Variants in PDE11A observed in about 807,000 individuals in gnomAD.
The protein encoded by PDE11A is dual 3',5'-cyclic-AMP and -GMP phosphodiesterase 11A.
In PDE11A, 100 loss-of-function variants were observed where a neutral mutation model predicts 100.5. That is an observed-to-expected ratio of 1.00 (90% CI 0.85 to 1.18). The LOEUF (loss-of-function observed/expected upper bound fraction) is 1.18, where lower values mean the gene tolerates loss of function less well. PDE11A is among the 50% of genes most tolerant of loss of function. The probability of loss-of-function intolerance (pLI) is 0.00; values close to 1 mark genes in which losing one functional copy is unlikely to be tolerated. For synonymous variants in PDE11A, 381 were observed against 420.8 expected (o/e 0.91, Z 1.16); for missense variants, 1,141 against 1,152.6 (o/e 0.99, Z 0.15).
chr2:177,940,893 G>C (rs2085338862), intron 2 of PDE11A, among the ~76,000 whole-genome samples: 1 of 152,132 alleles, frequency 6.6e-6, no homozygotes, highest in African/African-American at 2.4e-5. Context: ...TTGTTTTCAA[G>C]TTTACATATT....
chr2:177,693,227 C>G (rs905245555), intron 15 of PDE11A, among the ~76,000 whole-genome samples: 11 of 152,214 alleles, frequency 7.2e-5, no homozygotes, highest in African/African-American at 2.7e-4. Context: ...TGCCCTGGCA[C>G]TTCACACATG....
intron 5 of PDE11A, among the ~76,000 whole-genome samples, chr2:177,858,934 A>G (rs1425666373): frequency 6.6e-6 from 1 of 152,150 alleles, no homozygotes; most frequent in Admixed American, 6.5e-5. Context: ...GGATGAGTTC[A>G]TGTCCTTTGT....
At chr2:177,818,646 C>T (rs1272811647) in intron 7 of PDE11A, among the ~76,000 whole-genome samples, 1 of 152,096 alleles carries the variant, frequency 6.6e-6, no homozygotes, top group African/African-American at 2.4e-5. Flanking sequence ...TGATATAATA[C>T]AGTTAACCTT....
intron 12 of PDE11A, among the ~76,000 whole-genome samples, chr2:177,713,983 T>TTTTC: frequency 9.4e-6 from 1 of 106,154 alleles, no homozygotes; most frequent in East Asian, 2.8e-4. Flanking sequence ...TTCTTTTCTT[T>TTTTC]TTTCTTTTTT....
At chr2:177,659,770 CCTTCTT>C (rs770200945) in intron 19 of PDE11A, among the ~76,000 whole-genome samples, 1 of 151,150 alleles carries the variant, frequency 6.6e-6, no homozygotes, top group African/African-American at 2.4e-5. Context: ...TTTTTTTCTT[CCTTCTT>C]CTTCTTTTTT....
chr2:177,784,559 C>T (rs1173527771), intron 9 of PDE11A, among the ~76,000 whole-genome samples: 1 of 152,202 alleles, frequency 6.6e-6, no homozygotes, highest in East Asian at 1.9e-4. Context: ...CTGCTATCTG[C>T]CTATGGGGTA....
intron 2 of PDE11A, among the ~76,000 whole-genome samples, chr2:177,940,163 G>A (rs1340963063): frequency 1.3e-5 from 2 of 151,972 alleles, no homozygotes; most frequent in African/African-American, 4.8e-5. Context: ...TACAACTGGG[G>A]GATGGGTTTA....
chr2:177,885,925 A>C (rs528708024), intron 4 of PDE11A, among the ~76,000 whole-genome samples: 22 of 152,208 alleles, frequency 1.4e-4, no homozygotes, highest in Non-Finnish European at 3.1e-4. Context: ...TTATAAGCTT[A>C]GTTAGAAAGT....
chr2:177,675,967 C>G (rs1008326271), intron 16 of PDE11A: 1 of 308,440 alleles, frequency 3.2e-6, no homozygotes, highest in Non-Finnish European at 6.3e-6. Flanking sequence ...ACCAAAGAGG[C>G]AAGGCACATG....
chr2:177,836,424 G>A (rs181593370), intron 6 of PDE11A, among the ~76,000 whole-genome samples: 11 of 152,276 alleles, frequency 7.2e-5, no homozygotes, highest in South Asian at 2.1e-4. Flanking sequence ...AATCTGATGC[G>A]GACTTGGAGA....
intron 10 of PDE11A, among the ~76,000 whole-genome samples, chr2:177,738,209 A>G (rs1471721980): frequency 2.6e-5 from 4 of 152,228 alleles, no homozygotes; most frequent in Non-Finnish European, 4.4e-5. Flanking sequence ...TGTGACCCCA[A>G]TCTTCAAGTT....
intron 13 of PDE11A, among the ~76,000 whole-genome samples, chr2:177,706,931 G>A (rs186385597): frequency 0.017 from 2,511 of 151,832 alleles, 64 homozygotes; most frequent in African/African-American, 0.057. Flanking sequence ...GTAAAACATA[G>A]CTAGTAAGGT....
chr2:178,087,998 C>T (rs553279432), intron 2 of PDE11A, among the ~76,000 whole-genome samples: 15 of 152,050 alleles, frequency 9.9e-5, no homozygotes, highest in African/African-American at 2.9e-4. Context: ...CAACCCCTCA[C>T]GTTTTATAGA....
intron 2 of PDE11A, among the ~76,000 whole-genome samples, chr2:178,006,467 G>A (rs1334934665): frequency 6.6e-6 from 1 of 152,068 alleles, no homozygotes; most frequent in East Asian, 1.9e-4. Flanking sequence ...GCTGGACCCT[G>A]GCAGGCAAAT....
chr2:177,779,031 A>C (rs2082417051), intron 9 of PDE11A, among the ~76,000 whole-genome samples: 1 of 152,222 alleles, frequency 6.6e-6, no homozygotes, highest in Non-Finnish European at 1.5e-5. Context: ...GGCATACCTC[A>C]GAGATATTGA....
intron 19 of PDE11A, among the ~76,000 whole-genome samples, chr2:177,650,826 T>C (rs1229213247): frequency 6.6e-6 from 1 of 152,174 alleles, no homozygotes; most frequent in Non-Finnish European, 1.5e-5. Flanking sequence ...CTCCTACAGA[T>C]GGTCTGCAGG....
intron 14 of PDE11A, among the ~76,000 whole-genome samples, chr2:177,699,956 T>C (rs1383804801): frequency 6.6e-6 from 1 of 152,210 alleles, no homozygotes; most frequent in East Asian, 1.9e-4. Flanking sequence ...ACAAAGGTGG[T>C]GGTTTGTCAG....
intron 13 of PDE11A, among the ~76,000 whole-genome samples, chr2:177,708,940 T>C (rs935400735): frequency 6.6e-6 from 1 of 152,126 alleles, no homozygotes; most frequent in East Asian, 1.9e-4. Context: ...TTAGGGTGGA[T>C]AGAAACACGA....
chr2:177,935,425 AC>A (rs1455431798), intron 2 of PDE11A, among the ~76,000 whole-genome samples: 1 of 152,210 alleles, frequency 6.6e-6, no homozygotes, highest in Non-Finnish European at 1.5e-5. Flanking sequence ...ACATCATTTT[AC>A]CATATTGATT....
Sources: gnomAD v4.1 joint callset for allele counts (sites outside exome capture counted in the v4.1 genomes callset) on GRCh38, gnomAD v4.1.1 for gene constraint, MANE v1.5 for transcripts, NCBI Gene and HGNC (gene_info 2026-07-23, HGNC 2026-07-21) for gene names.